Variants in DDAH1 observed in about 807,000 individuals in gnomAD.
The protein encoded by DDAH1 is dimethylarginine dimethylaminohydrolase 1.
Under a neutral mutation model 28.8 loss-of-function variants are expected in DDAH1, and 19 were observed. The ratio of observed to expected loss-of-function variants is 0.66; its 90% CI spans 0.46 to 0.97. DDAH1 has a LOEUF of 0.97. Among genes scored for constraint, DDAH1 ranks in the 50% least tolerant of loss-of-function variants. DDAH1 has a pLI of 0.00. For missense variants in DDAH1, 326 were observed against 375.9 expected, an observed-to-expected ratio of 0.87 and a Z score of 1.10; for synonymous variants, 153 against 154.4, an observed-to-expected ratio of 0.99 and a Z score of 0.07.
chr1:85,332,067 G>C (rs1042824932), intron 4 of DDAH1, among the ~76,000 whole-genome samples: 5 of 152,186 alleles, frequency 3.3e-5, no homozygotes, highest in African/African-American at 1.2e-4. Flanking sequence ...CCTGAAACTG[G>C]TATTCCCGGG....
intron 1 of DDAH1, among the ~76,000 whole-genome samples, chr1:85,550,664 T>C (rs1292060669): frequency 6.6e-6 from 1 of 152,208 alleles, no homozygotes; most frequent in Non-Finnish European, 1.5e-5. Flanking sequence ...TCAAACATTT[T>C]AGTCAGGAAG....
At chr1:85,526,506 C>CT (rs1368846566) in intron 1 of DDAH1, among the ~76,000 whole-genome samples, 1 of 152,166 alleles carries the variant, frequency 6.6e-6, no homozygotes, top group African/African-American at 2.4e-5. Context: ...TGATCACAGC[C>CT]TTTAACACTT....
chr1:85,359,174 T>C (rs560344493), intron 1 of DDAH1, among the ~76,000 whole-genome samples: 30 of 152,350 alleles, frequency 2.0e-4, no homozygotes, highest in African/African-American at 7.0e-4. Flanking sequence ...TACGACCAGT[T>C]AATGCACCAT....
chr1:85,521,539 G>A, intron 1 of DDAH1: 1 of 881,422 alleles, frequency 1.1e-6, no homozygotes. Flanking sequence ...TTGCCTCACT[G>A]ATGTGTTTCT....
rs233112 is a variant in DDAH1 at position 85,320,068 on chromosome 1, T to C, written c.*1384A>G. 0.37 allele frequency: 55,642 copies of C among 152,076 alleles called. 10,288 individuals are homozygous for C. Among genetic ancestry groups the C allele is most frequent in the South Asian group, 0.42 (2,041 of 4,812 alleles). The allele number at this position is 152,076 out of a possible 1,614,324, so 9.4% of individuals were successfully genotyped here. On this transcript the variant is annotated 3_prime_UTR_variant, in exon 6 of 6. Coordinates refer to ENST00000284031, the MANE Select transcript of DDAH1 (RefSeq NM_012137.4). ...TGGAGATGACTAGGAAGTGTGATAA[T>C]GTGCCTGGATCAGTTACCATTCATT...
chr1:85,514,471 T>A (rs1367397628), intron 1 of DDAH1, among the ~76,000 whole-genome samples: 14 of 150,842 alleles, frequency 9.3e-5, no homozygotes, highest in African/African-American at 3.2e-4. Flanking sequence ...ATGGCACATG[T>A]ATACCTATGT....
At position 85,332,038 on chromosome 1, in the gene DDAH1, T is replaced by A. The variant is rs947011838; in HGVS notation, c.598-7155A>T. Among the ~76,000 whole-genome samples the A allele has an allele frequency of 9.9e-5, 15 of 151,822 alleles. No homozygotes were observed. The South Asian group carries it at 3.1e-3, about 32-fold the overall frequency. Reference sequence around the variant, plus strand: ...ACTGCTGAAATCCTAGTCATAAGAGTCTCTCAAACCCCAAGGACCCTGAAA... The same window carrying A: ...ACTGCTGAAATCCTAGTCATAAGAGACTCTCAAACCCCAAGGACCCTGAAA... On this transcript the variant is annotated intron_variant, in intron 4 of 5. Transcript: ENST00000284031.
At chr1:85,345,689 A>T (rs1648800275) in intron 4 of DDAH1, among the ~76,000 whole-genome samples, 1 of 151,994 alleles carries the variant, frequency 6.6e-6, no homozygotes, top group African/African-American at 2.4e-5. Flanking sequence ...ACACGGTGAA[A>T]CCCCATCTCT....
intron 1 of DDAH1, among the ~76,000 whole-genome samples, chr1:85,516,884 T>A (rs1409780589): frequency 6.6e-6 from 1 of 152,198 alleles, no homozygotes; most frequent in South Asian, 2.1e-4. Flanking sequence ...GGTTAAAAAA[T>A]GTTCCTGGAA....
chr1:85,568,689 A>G (rs1659374523), intron 1 of DDAH1, among the ~76,000 whole-genome samples: 1 of 152,172 alleles, frequency 6.6e-6, no homozygotes, highest in South Asian at 2.1e-4. Context: ...TAATTAAAGG[A>G]TCCTTATTAA....
At chr1:85,367,801 T>A (rs920327868) in intron 1 of DDAH1, among the ~76,000 whole-genome samples, 6 of 152,164 alleles carry the variant, frequency 3.9e-5, no homozygotes, top group Admixed American at 3.3e-4. Context: ...ACATCCATCA[T>A]CAAATATGGC....
chr1:85,518,122 T>C (rs1237980223), intron 1 of DDAH1, among the ~76,000 whole-genome samples: 2 of 152,208 alleles, frequency 1.3e-5, no homozygotes, highest in African/African-American at 4.8e-5. Context: ...CCACCAGTAA[T>C]GGACTGGCTA....
At chr1:85,427,138 C>T (rs1468546255) in intron 1 of DDAH1, among the ~76,000 whole-genome samples, 1 of 151,962 alleles carries the variant, frequency 6.6e-6, no homozygotes, top group African/African-American at 2.4e-5. Context: ...GACAAGCACA[C>T]ATCAGGTGCC....
chr1:85,503,567 A>ATCTATCTATCTG (rs1163642743), intron 1 of DDAH1, among the ~76,000 whole-genome samples: 6 of 147,614 alleles, frequency 4.1e-5, no homozygotes, highest in African/African-American at 1.2e-4. Context: ...CTATCTATCT[A>ATCTATCTATCTG]TCCATCTATC....
intron 1 of DDAH1, among the ~76,000 whole-genome samples, chr1:85,427,223 C>T (rs1653442032): frequency 1.3e-5 from 2 of 149,464 alleles, no homozygotes; most frequent in African/African-American, 2.5e-5. Context: ...GTTAAGAACT[C>T]ATCATGCTTG....
intron 2 of DDAH1, chr1:85,494,249 G>C (rs1313026284): frequency 2.0e-5 from 3 of 152,178 alleles, no homozygotes; most frequent in Non-Finnish European, 4.4e-5. Flanking sequence ...TACCAGAACA[G>C]CTCTTAAAGG....
intron 4 of DDAH1, among the ~76,000 whole-genome samples, chr1:85,333,155 A>G (rs996700517): frequency 6.6e-6 from 1 of 152,212 alleles, no homozygotes; most frequent in African/African-American, 2.4e-5. Context: ...TCCCCAGGAA[A>G]ACCTCAGCAT....
intron 1 of DDAH1, among the ~76,000 whole-genome samples, chr1:85,451,076 G>A (rs931096778): frequency 6.6e-6 from 1 of 152,156 alleles, no homozygotes; most frequent in South Asian, 2.1e-4. Flanking sequence ...TGACTGGCCC[G>A]GCTGCCAGCT....
intron 4 of DDAH1, among the ~76,000 whole-genome samples, chr1:85,335,968 G>A (rs902010368): frequency 2.8e-5 from 4 of 143,862 alleles, no homozygotes; most frequent in Non-Finnish European, 3.0e-5. Context: ...TCTCTAAAAT[G>A]AAATAAAATA....
Sources: allele counts gnomAD v4.1 joint callset (sites outside exome capture counted in the v4.1 genomes callset), GRCh38; gene constraint gnomAD v4.1.1; transcripts MANE v1.5; gene names NCBI Gene and HGNC (gene_info 2026-07-23, HGNC 2026-07-21).